ANKRD17: variants seen among roughly 807,000 people sequenced by gnomAD.
ANKRD17 encodes ankyrin repeat domain 17, also known as ankyrin repeat domain-containing protein 17.
ANKRD17 carries 19 observed loss-of-function variants against 229.7 expected under a neutral mutation model. The ratio of observed to expected loss-of-function variants is 0.08; its 90% CI spans 0.06 to 0.12. The LOEUF (loss-of-function observed/expected upper bound fraction) is 0.12, where lower values mean the gene tolerates loss of function less well. Ranked by LOEUF, ANKRD17 falls within the 10% of genes least tolerant of loss-of-function variation. ANKRD17 has a pLI of 1.00. For missense variants in ANKRD17, 2,176 were observed against 3,176.8 expected (o/e 0.68, Z 7.57); for synonymous variants, 1,112 against 1,146.1 (o/e 0.97, Z 0.60).
chr4:73,248,355 A>G (rs1289694044), intron 1 of ANKRD17, among the ~76,000 whole-genome samples: 1 of 152,056 alleles, frequency 6.6e-6, no homozygotes, highest in East Asian at 1.9e-4. Context: ...TAAGGCACAC[A>G]GTTACACCAA....
intron 1 of ANKRD17, among the ~76,000 whole-genome samples, chr4:73,211,112 T>C (rs752606538): frequency 1.3e-5 from 2 of 152,080 alleles, no homozygotes; most frequent in African/African-American, 4.8e-5. Context: ...AAATTAACCA[T>C]ATAGTCAAGC....
At chr4:73,173,027 A>G (rs1371989648) in intron 2 of ANKRD17, among the ~76,000 whole-genome samples, 1 of 152,224 alleles carries the variant, frequency 6.6e-6, no homozygotes, top group Non-Finnish European at 1.5e-5. Flanking sequence ...GGCTGAATGG[A>G]TAAAAAACAA....
rs1363085698 is a variant in ANKRD17, at chr4:73,125,243, G to A, written c.3304C>T (p.Leu1102=). The change falls in exon 17 of 34, where the codon CTG becomes TTG. Residue 1102 remains leucine, a synonymous_variant. Transcript: ENST00000358602. ...TCTATACTAGCTCCTCTCTCTAGCA[G>A]TGTTTGTACCAGTTCCTCGTGGCCA... The part of the protein sequence containing the change: ...AGGHEELVQT[L]LERGASIEHR... 6.2e-7 allele frequency: 1 copy of A among 1,613,880 alleles called. No individual in the cohort carries two copies. The highest frequency in any genetic ancestry group is 1.3e-5 in the African/African-American group (1 of 74,854).
Position 73,115,832 on chromosome 4 carries a change from T to C in ANKRD17, c.4273A>G (p.Ile1425Val), listed in dbSNP as rs1725875740. Residue 1425 changes from isoleucine to valine, a missense_variant, in exon 23 of 34, where the codon ATC (isoleucine) becomes GTC (valine). Ile to Val is a conservative substitution (Grantham distance 29). This residue lies in a region of ANKRD17 where 178 missense variants were observed against 421.7 expected (regional missense o/e 0.42). Coordinates refer to ENST00000358602, the MANE Select transcript of ANKRD17 (RefSeq NM_032217.5). ...DSECMRYIATITDKEMLKKCH... is the reference protein window; with the variant it reads ...DSECMRYIATVTDKEMLKKCH... Reference sequence around the variant, plus strand: ...GAACAACATATTACCTTATCAGTGATGGTTGCTATGTATCTCATACATTCA... The same window carrying C: ...GAACAACATATTACCTTATCAGTGACGGTTGCTATGTATCTCATACATTCA... 1.9e-6 allele frequency: 3 copies of C among 1,612,164 alleles called. No individual in the cohort carries two copies. The highest frequency in any genetic ancestry group is 2.5e-6 in the Non-Finnish European group (3 of 1,179,042).
At chr4:73,144,961 G>A in intron 10 of ANKRD17, 129 bp from the exon 11 acceptor site, 1 of 540,374 alleles carries the variant, frequency 1.9e-6, no homozygotes, top group South Asian at 4.1e-5. Context: ...ATGCTTTGAA[G>A]CAAATTAAGA....
intron 1 of ANKRD17, among the ~76,000 whole-genome samples, chr4:73,178,700 T>A (rs1212958107): frequency 6.6e-6 from 1 of 152,040 alleles, no homozygotes; most frequent in African/African-American, 2.4e-5. Context: ...CCCTGAGGGG[T>A]CTATTTACTG....
Position 73,092,145 on chromosome 4 carries a change from G to A in ANKRD17, c.5483C>T (p.Ala1828Val). ...TTTAATTCCCATTAAGGAAGTGTTAGCAGCAGTGGTGGTAGGTGCTGATGA... is the reference window on the plus strand; with the variant it reads ...TTTAATTCCCATTAAGGAAGTGTTAACAGCAGTGGTGGTAGGTGCTGATGA... The part of the protein sequence containing the change: ...IGSSAPTTTA[A>V]NTSLMGIKMT... Residue 1828 changes from alanine (A) to valine (V), a missense_variant, in exon 29 of 34, where the codon GCT (alanine) becomes GTT (valine). Physicochemically the swap from Ala to Val is moderately conservative, Grantham distance 64. Around this residue, in one of 18 missense-constraint regions of ANKRD17, gnomAD observed 142 missense variants for 200.4 expected, o/e 0.71. Coordinates refer to ENST00000358602, the MANE Select transcript of ANKRD17 (RefSeq NM_032217.5). 1 of 1,614,178 alleles carries A rather than the reference G, an allele frequency of 6.2e-7. No individual in the cohort carries two copies. Among genetic ancestry groups the A allele is most frequent in the Non-Finnish European group, 8.5e-7 (1 of 1,180,024 alleles).
intron 14 of ANKRD17, 91 bp from the exon 15 acceptor site, chr4:73,140,374 C>T: frequency 7.4e-7 from 1 of 1,347,436 alleles, no homozygotes. Flanking sequence ...AACAGTTATG[C>T]ACTAAGTAAT....
chr4:73,113,605 C>CA (rs1454561283), intron 24 of ANKRD17, among the ~76,000 whole-genome samples, 187 bp downstream of exon 24: 1 of 152,148 alleles, frequency 6.6e-6, no homozygotes, highest in Non-Finnish European at 1.5e-5. Flanking sequence ...TTGTTAGTTA[C>CA]AAAGAAGCTT....
chr4:73,091,153 T>C lies in ANKRD17; in HGVS notation c.6475A>G (p.Met2159Val), dbSNP rs758726287. The change falls in exon 29 of 34, where the codon ATG (methionine) becomes GTG (valine). Residue 2159 changes from methionine (M) to valine (V), a missense_variant. Physicochemically the swap from Met to Val is conservative, Grantham distance 21. Transcript: ENST00000358602. ...VPSTAPVTYP[M>V]PQTPMGCPQP... ...GGGCATCCCATTGGTGTCTGAGGCA[T>C]AGGGTAAGTCACTGGGGCAGTAGAA... 4 of 1,614,132 alleles carry C rather than the reference T, an allele frequency of 2.5e-6. No homozygotes were observed. The highest frequency in any genetic ancestry group is 2.5e-6 in the Non-Finnish European group (3 of 1,180,030).
intron 1 of ANKRD17, among the ~76,000 whole-genome samples, chr4:73,235,192 G>A (rs1743392903): frequency 6.6e-6 from 1 of 152,112 alleles, no homozygotes; most frequent in East Asian, 1.9e-4. Flanking sequence ...TGTGCTTTGG[G>A]TAGAGGTGAG....
intron 1 of ANKRD17, among the ~76,000 whole-genome samples, chr4:73,198,362 C>T (rs1474297509): frequency 6.6e-6 from 1 of 152,086 alleles, no homozygotes; most frequent in Non-Finnish European, 1.5e-5. Flanking sequence ...ATTTGGTATA[C>T]TGCAAAGTAT....
chr4:73,121,363 T>C (rs1560548559), intron 19 of ANKRD17, among the ~76,000 whole-genome samples: 1 of 152,200 alleles, frequency 6.6e-6, no homozygotes, highest in African/African-American at 2.4e-5. Flanking sequence ...TCTTAAAGCA[T>C]GTATTAGCTT....
intron 1 of ANKRD17, among the ~76,000 whole-genome samples, chr4:73,206,425 TGAGA>T (rs1202477664): frequency 7.0e-6 from 1 of 142,364 alleles, no homozygotes; most frequent in African/African-American, 2.6e-5. Flanking sequence ...AGAAAGAAAG[TGAGA>T]GAGAGAGAGA....
intron 29 of ANKRD17, among the ~76,000 whole-genome samples, chr4:73,085,731 T>C (rs1313801803): frequency 6.7e-6 from 1 of 148,450 alleles, no homozygotes; most frequent in Non-Finnish European, 1.5e-5. Flanking sequence ...TTCATGCCTA[T>C]AATCCCAGGC....
chr4:73,253,389 T>C (rs1745195976), intron 1 of ANKRD17, among the ~76,000 whole-genome samples: 1 of 152,216 alleles, frequency 6.6e-6, no homozygotes, highest in Admixed American at 6.5e-5. Context: ...CAAACATTTA[T>C]TGAATAATGA....
In ANKRD17 at chr4:73,085,383, A is replaced by T; in HGVS notation, c.7025T>A (p.Phe2342Tyr). ...VTPSSTHLGN[F>Y]ASNISGGQMY... ...CTGACCTCCTGAAATGTTTGAAGCAAAGTTTCCCAAATGTGTTGAAGAAGG... is the reference window on the plus strand; with the variant it reads ...CTGACCTCCTGAAATGTTTGAAGCATAGTTTCCCAAATGTGTTGAAGAAGG... Residue 2342 changes from phenylalanine to tyrosine, a missense_variant, in exon 30 of 34, where the codon TTT (phenylalanine) becomes TAT (tyrosine). Phe to Tyr is a conservative substitution (Grantham distance 22). Coordinates refer to ENST00000358602, the MANE Select transcript of ANKRD17 (RefSeq NM_032217.5). The T allele has an allele frequency of 6.2e-7, 1 of 1,614,102 alleles. No individual in the cohort carries two copies. The highest frequency in any genetic ancestry group is 8.5e-7 in the Non-Finnish European group (1 of 1,180,026).
At chr4:73,185,993 T>C (rs1034498521) in intron 1 of ANKRD17, among the ~76,000 whole-genome samples, 1 of 152,026 alleles carries the variant, frequency 6.6e-6, no homozygotes, top group Non-Finnish European at 1.5e-5. Context: ...TTTCTGGCTC[T>C]CAAGTAAGCC....
chr4:73,182,121 ATTTG>A (rs2149020891), intron 1 of ANKRD17, among the ~76,000 whole-genome samples: 1 of 144,508 alleles, frequency 6.9e-6, no homozygotes, highest in African/African-American at 2.5e-5. Context: ...AAAATATTTT[ATTTG>A]AATGAAATAT....
Sources: allele counts gnomAD v4.1 joint callset (sites outside exome capture counted in the v4.1 genomes callset), GRCh38; gene constraint gnomAD v4.1.1; regional missense constraint gnomAD v4.1.1; transcripts MANE v1.5; gene names NCBI Gene and HGNC (gene_info 2026-07-23, HGNC 2026-07-21).